Variants in KCNAB1 observed in about 807,000 individuals in gnomAD.
The protein encoded by KCNAB1 is voltage-gated potassium channel subunit beta-1.
Under a neutral mutation model 64.6 loss-of-function variants are expected in KCNAB1, and 35 were observed. The ratio of observed to expected loss-of-function variants is 0.54; its 90% confidence interval spans 0.41 to 0.72. KCNAB1 has a LOEUF of 0.72. Among genes scored for constraint, KCNAB1 ranks in the 30% least tolerant of loss-of-function variants. KCNAB1 has a pLI of 0.00. For synonymous variants in KCNAB1, 177 were observed against 183.8 expected, an observed-to-expected ratio of 0.96 and a Z score of 0.30; for missense variants, 401 against 512.9, an observed-to-expected ratio of 0.78 and a Z score of 2.11.
intron 1 of KCNAB1, among the ~76,000 whole-genome samples, chr3:156,369,968 G>A (rs1726193248): frequency 1.3e-5 from 2 of 152,102 alleles, no homozygotes; most frequent in South Asian, 2.1e-4. Flanking sequence ...TGTCATTAAC[G>A]TTGCTTCCAT....
intron 1 of KCNAB1, among the ~76,000 whole-genome samples, chr3:156,388,254 G>T (rs1384289316): frequency 6.6e-6 from 1 of 152,196 alleles, no homozygotes; most frequent in East Asian, 1.9e-4. Flanking sequence ...TAAAAAATTT[G>T]CTTCTGAAAT....
intron 1 of KCNAB1, among the ~76,000 whole-genome samples, chr3:156,182,629 T>TCCCCCCC (rs71138700): frequency 8.3e-6 from 1 of 120,444 alleles, no homozygotes; most frequent in Admixed American, 9.0e-5. Flanking sequence ...GGTTTTTTTT[T>TCCCCCCC]CCCCCCCCCG....
chr3:156,266,052 A>C (rs1718684029), intron 1 of KCNAB1, among the ~76,000 whole-genome samples: 1 of 152,138 alleles, frequency 6.6e-6, no homozygotes, highest in African/African-American at 2.4e-5. Context: ...AACTTTTCCC[A>C]AAACTGACCA....
intron 1 of KCNAB1, among the ~76,000 whole-genome samples, chr3:156,123,863 A>G (rs534566344): frequency 1.3e-5 from 2 of 152,236 alleles, no homozygotes; most frequent in African/African-American, 4.8e-5. Context: ...TTACAAAAGT[A>G]ACATCTGAAC....
At chr3:156,520,605 C>T (rs1187776117) in intron 11 of KCNAB1, among the ~76,000 whole-genome samples, 3 of 152,108 alleles carry the variant, frequency 2.0e-5, no homozygotes, top group Non-Finnish European at 4.4e-5. Context: ...TTATGTACCC[C>T]TCTGTCAAAG....
At chr3:156,375,080 G>T (rs2108134848) in intron 1 of KCNAB1, among the ~76,000 whole-genome samples, 1 of 135,764 alleles carries the variant, frequency 7.4e-6, no homozygotes, top group African/African-American at 3.3e-5. Context: ...GGTCAGTTAA[G>T]GTAAACGATG....
intron 1 of KCNAB1, among the ~76,000 whole-genome samples, chr3:156,418,109 T>C (rs1418559151): frequency 1.3e-5 from 2 of 152,228 alleles, no homozygotes; most frequent in Non-Finnish European, 2.9e-5. Flanking sequence ...TTGATATCTC[T>C]GACATAGATA....
chr3:156,532,759 G>A (rs988173846), intron 13 of KCNAB1, among the ~76,000 whole-genome samples: 3 of 152,160 alleles, frequency 2.0e-5, no homozygotes, highest in Admixed American at 1.3e-4. Context: ...CTGTAGCTAC[G>A]TGAGGAATTC....
At chr3:156,534,881 C>T (rs1483134605) in intron 13 of KCNAB1, among the ~76,000 whole-genome samples, 1 of 152,094 alleles carries the variant, frequency 6.6e-6, no homozygotes, top group East Asian at 1.9e-4. Context: ...TCTTGTGATA[C>T]TATGTCTTGT....
chr3:156,244,238 C>T (rs1717329684), intron 1 of KCNAB1, among the ~76,000 whole-genome samples: 1 of 152,164 alleles, frequency 6.6e-6, no homozygotes, highest in South Asian at 2.1e-4. Flanking sequence ...ATTCTAAGGT[C>T]ACGTCCATTT....
At chr3:156,256,835 G>T (rs1718125299) in intron 1 of KCNAB1, among the ~76,000 whole-genome samples, 1 of 152,246 alleles carries the variant, frequency 6.6e-6, no homozygotes, top group Non-Finnish European at 1.5e-5. Flanking sequence ...ATTGGCAGGA[G>T]ATTGGAGGAA....
At chr3:156,355,942 T>C (rs1334659940) in intron 1 of KCNAB1, among the ~76,000 whole-genome samples, 1 of 151,592 alleles carries the variant, frequency 6.6e-6, no homozygotes, top group South Asian at 2.1e-4. Context: ...CATAGGGAGC[T>C]CCTGTTTCTA....
chr3:156,181,034 C>T (rs2108345599), intron 1 of KCNAB1, among the ~76,000 whole-genome samples: 1 of 152,264 alleles, frequency 6.6e-6, no homozygotes, highest in African/African-American at 2.4e-5. Context: ...TGGTTGTGTC[C>T]TCATATGGCC....
At chr3:156,392,855 G>A (rs1713147774) in intron 1 of KCNAB1, among the ~76,000 whole-genome samples, 1 of 152,086 alleles carries the variant, frequency 6.6e-6, no homozygotes, top group Admixed American at 6.5e-5. Flanking sequence ...AACTTAATTT[G>A]CTAATATTTT....
chr3:156,476,520 T>TACAC (rs1327626247), intron 8 of KCNAB1, among the ~76,000 whole-genome samples: 1 of 111,264 alleles, frequency 9.0e-6, no homozygotes, highest in African/African-American at 4.3e-5. Context: ...TATATATATA[T>TACAC]ATACACACAC....
intron 1 of KCNAB1, among the ~76,000 whole-genome samples, chr3:156,153,780 C>T (rs1715555951): frequency 6.6e-6 from 1 of 152,188 alleles, no homozygotes; most frequent in African/African-American, 2.4e-5. Flanking sequence ...CTTTTGGGTC[C>T]AAACTTACAC....
At chr3:156,457,359 G>A in intron 3 of KCNAB1, 94 bp from the exon 4 acceptor site, 1 of 1,583,634 alleles carries the variant, frequency 6.3e-7, no homozygotes, top group South Asian at 1.2e-5. Flanking sequence ...TTAGTGAGAG[G>A]TCAGTGTTCC....
At chr3:156,364,969 G>C (rs1019255027) in intron 1 of KCNAB1, among the ~76,000 whole-genome samples, 2 of 152,180 alleles carry the variant, frequency 1.3e-5, no homozygotes, top group African/African-American at 4.8e-5. Context: ...TAATAGCAAA[G>C]CTAAATATCA....
intron 1 of KCNAB1, among the ~76,000 whole-genome samples, chr3:156,353,995 G>A (rs1725031694): frequency 6.6e-6 from 1 of 151,320 alleles, no homozygotes; most frequent in Non-Finnish European, 1.5e-5. Flanking sequence ...TTGGGGGCAT[G>A]TTAAAGGCCC....
Sources: gnomAD v4.1 joint callset for allele counts (sites outside exome capture counted in the v4.1 genomes callset) on GRCh38, gnomAD v4.1.1 for gene constraint, MANE v1.5 for transcripts, NCBI Gene and HGNC (gene_info 2026-07-23, HGNC 2026-07-21) for gene names.